The following MOCOS variants were observed in gnomAD, a reference collection of about 807,000 sequenced individuals.
The protein encoded by MOCOS is human molybdenum cofactor sulfurase.
A neutral mutation model predicts 83.6 loss-of-function variants in MOCOS; 86 were observed. That is an observed-to-expected ratio of 1.03 (90% CI 0.86 to 1.23). MOCOS has a LOEUF of 1.23. Among genes scored for constraint, MOCOS ranks in the 50% most tolerant of loss-of-function variants. The probability of loss-of-function intolerance (pLI) is 0.00; values close to 1 mark genes in which losing one functional copy is unlikely to be tolerated. For missense variants in MOCOS, 1,120 were observed against 1,126.9 expected, an observed-to-expected ratio of 0.99 and a Z score of 0.09; for synonymous variants, 445 against 434.7, an observed-to-expected ratio of 1.02 and a Z score of -0.29.
At chr18:36,199,188 A>G (rs1024143290) in intron 3 of MOCOS, among the ~76,000 whole-genome samples, 19 of 152,088 alleles carry the variant, frequency 1.2e-4, no homozygotes, top group Non-Finnish European at 1.3e-4. Context: ...TGTATGTTAA[A>G]CAGCTCTCTA....
intron 9 of MOCOS, among the ~76,000 whole-genome samples, chr18:36,248,029 G>A (rs115124166): frequency 0.017 from 2,584 of 152,200 alleles, 63 homozygotes; most frequent in African/African-American, 0.058. Flanking sequence ...AACCTCAGTA[G>A]TGTTTTCCAT....
rs369806137 is a variant in MOCOS at position 36,215,653 on chromosome 18, C to A, written c.1473C>A (p.His491Gln). The change falls in exon 8 of 15, where the codon CAC becomes CAA. Residue 491 changes from histidine (H) to glutamine (Q), a missense_variant. Transcript: ENST00000261326. ...GGTTCATCATAGACACTCGCCTGCA[C>A]TCATCAGGGGACTGGCCTGTCCCTC... is the stretch of plus-strand genomic sequence containing the variant. ...FLRFIIDTRLHSSGDWPVPQA... is the reference protein window; with the variant it reads ...FLRFIIDTRLQSSGDWPVPQA... 1.4e-5 allele frequency: 23 copies of A among 1,614,072 alleles called. No homozygotes were observed. The highest frequency in any genetic ancestry group is 1.8e-5 in the Non-Finnish European group (21 of 1,180,042).
intron 1 of MOCOS, among the ~76,000 whole-genome samples, chr18:36,194,971 C>T (rs777296075): frequency 1.3e-5 from 2 of 152,166 alleles, no homozygotes; most frequent in Non-Finnish European, 2.9e-5. Flanking sequence ...TCATTCATCA[C>T]GAATGTCTGC....
chr18:36,246,079 C>T (rs1401387584), intron 9 of MOCOS, among the ~76,000 whole-genome samples: 2 of 151,950 alleles, frequency 1.3e-5, no homozygotes, highest in African/African-American at 4.8e-5. Context: ...TCTCTGGTGC[C>T]TCCTTAAGTA....
In MOCOS at chr18:36,200,111, T is replaced by C. The variant is rs534091378; in HGVS notation, c.728T>C (p.Val243Ala). Residue 243 changes from valine to alanine, a missense_variant, in exon 4 of 15, where the codon GTG (valine) becomes GCG (alanine). Val to Ala is a moderately conservative substitution (Grantham distance 64). Transcript: ENST00000261326. The stretch of plus-strand genomic sequence containing the variant: ...GTGCTGCTGGATGCAGCCTCCTACG[T>C]GAGCACCTCGCCTTTGGACCTGTCA... Reference protein sequence around the residue: ...WFVLLDAASYVSTSPLDLSAH... With the variant: ...WFVLLDAASYASTSPLDLSAH... The C allele has an allele frequency of 6.2e-7, 1 of 1,614,248 alleles. No individual in the cohort carries two copies. The highest frequency in any genetic ancestry group is 8.5e-7 in the Non-Finnish European group (1 of 1,180,040).
intron 1 of MOCOS, chr18:36,189,804 A>G (rs1598866985): frequency 6.6e-6 from 1 of 152,272 alleles, no homozygotes; most frequent in South Asian, 2.1e-4. Flanking sequence ...CTTTGGGGTA[A>G]TTCACCTGTT....
Position 36,187,589 on chromosome 18 carries a change from G to T in MOCOS, c.50G>T (p.Gly17Val), listed in dbSNP as rs774256529. ...GGGCGGGAGCTGTGGACCTTCGCGG[G>T]TTCCCGGGACCCGAGCGCACCGCGG... is the stretch of plus-strand genomic sequence containing the variant. ...ESGRELWTFA[G>V]SRDPSAPRLA... Residue 17 changes from glycine to valine, a missense_variant, in exon 1 of 15, where the codon GGT becomes GTT. Physicochemically the swap from Gly to Val is moderately radical, Grantham distance 109. Coordinates refer to ENST00000261326, the MANE Select transcript of MOCOS (RefSeq NM_017947.4). 8.0e-6 allele frequency: 10 copies of T among 1,248,290 alleles called. No homozygotes were observed. The highest frequency in any genetic ancestry group is 1.0e-5 in the Non-Finnish European group (10 of 996,086). 77.3% of individuals were successfully genotyped at this position (1,248,290 alleles called of 1,614,324 possible). A position where few individuals can be genotyped will look rare whatever the true frequency, so the allele number is the denominator to read the frequency against.
intron 9 of MOCOS, among the ~76,000 whole-genome samples, chr18:36,238,488 G>A (rs1359228434): frequency 6.7e-6 from 1 of 148,562 alleles, no homozygotes; most frequent in Non-Finnish European, 1.5e-5. Flanking sequence ...ATTGCACTGT[G>A]GTCTGAGAGA....
rs1568049160 is a variant in MOCOS, at chr18:36,198,863, C to G, written c.299+107C>G. Reference sequence around the variant, plus strand: ...AGTTCTGAGTTGGTTTCAGGAGGATCACAGTTGGCTAAAAGGCAATGCATG... The same window carrying G: ...AGTTCTGAGTTGGTTTCAGGAGGATGACAGTTGGCTAAAAGGCAATGCATG... On this transcript the variant is annotated intron_variant, in intron 3 of 14. Transcript: ENST00000261326. 3.3e-6 allele frequency: 4 copies of G among 1,204,478 alleles called. No individual in the cohort carries two copies. In the South Asian group the frequency reaches 3.7e-5, roughly 11 times the overall value. 74.6% of individuals were successfully genotyped at this position (1,204,478 alleles called of 1,614,324 possible).
At chr18:36,265,628 T>C (rs2091679254) in intron 13 of MOCOS, among the ~76,000 whole-genome samples, 2 of 152,136 alleles carry the variant, frequency 1.3e-5, no homozygotes, top group South Asian at 4.1e-4. Context: ...TTTTTGATGT[T>C]TATATTATGG....
At chr18:36,241,216 A>G (rs2144128036) in intron 9 of MOCOS, among the ~76,000 whole-genome samples, 1 of 152,320 alleles carries the variant, frequency 6.6e-6, no homozygotes, top group East Asian at 1.9e-4. Flanking sequence ...CCACAGTCCA[A>G]AGTCTCATCT....
At chr18:36,237,379 A>G (rs970490578) in intron 9 of MOCOS, among the ~76,000 whole-genome samples, 10 of 152,222 alleles carry the variant, frequency 6.6e-5, no homozygotes, top group African/African-American at 2.4e-4. Context: ...TTCTGCATCT[A>G]TTGAGATAAT....
At chr18:36,249,649 C>A (rs1312855123) in intron 10 of MOCOS, among the ~76,000 whole-genome samples, 1 of 151,998 alleles carries the variant, frequency 6.6e-6, no homozygotes, top group Non-Finnish European at 1.5e-5. Context: ...GGAAGGGGTG[C>A]AAGCAGGAAG....
chr18:36,212,282 C>T (rs1305784819), intron 6 of MOCOS, among the ~76,000 whole-genome samples: 2 of 152,178 alleles, frequency 1.3e-5, no homozygotes, highest in Non-Finnish European at 2.9e-5. Context: ...TTTATTCTCC[C>T]TAGTTTGGGT....
intron 8 of MOCOS, among the ~76,000 whole-genome samples, chr18:36,219,363 C>T (rs1234144736): frequency 6.6e-6 from 1 of 151,934 alleles, no homozygotes; most frequent in African/African-American, 2.4e-5. Flanking sequence ...CCTGGACAGA[C>T]ACCACTGCTA....
chr18:36,196,759 G>A (rs1039353708), intron 2 of MOCOS, among the ~76,000 whole-genome samples: 5 of 151,858 alleles, frequency 3.3e-5, no homozygotes, highest in African/African-American at 7.3e-5. Flanking sequence ...ATGATGCAGC[G>A]CTAAAGCCAA....
At chr18:36,259,287 A>G (rs1351778858) in intron 12 of MOCOS, among the ~76,000 whole-genome samples, 1 of 151,944 alleles carries the variant, frequency 6.6e-6, no homozygotes, top group East Asian at 1.9e-4. Flanking sequence ...TAAAAAAAGT[A>G]AAAATAAGTT....
intron 5 of MOCOS, 74 bp from the exon 6 acceptor site, chr18:36,204,996 CAAAAAAA>C (rs10685658): frequency 5.9e-5 from 25 of 425,546 alleles, no homozygotes; most frequent in Middle Eastern, 7.7e-4. Flanking sequence ...GACCGTGTCT[CAAAAAAA>C]AAAAAAAAAA....
At position 36,193,317 on chromosome 18, in the gene MOCOS, C is replaced by CAAAAAAAAAAA. The variant is rs555145311; in HGVS notation, c.143-1912_143-1902dup. ...TGGGCGACAGAGCGAGACTCCGTCT[C>CAAAAAAAAAAA]AAAAAAAAAAAAAAAAAAAAAAAAA... On this transcript the variant is annotated intron_variant, in intron 1 of 14. Transcript: ENST00000261326. Among the ~76,000 whole-genome samples the CAAAAAAAAAAA allele has an allele frequency of 3.4e-4, 13 of 38,310 alleles. 2 individuals carry two copies. The highest frequency in any genetic ancestry group is 4.0e-4 in the Non-Finnish European group (9 of 22,626). The allele number at this position is 38,310 out of a possible 152,430, so 25.1% of individuals were successfully genotyped here. A position where few individuals can be genotyped will look rare whatever the true frequency, so the allele number is the denominator to read the frequency against.
Sources: gnomAD v4.1 joint callset for allele counts (sites outside exome capture counted in the v4.1 genomes callset) on GRCh38, gnomAD v4.1.1 for gene constraint, MANE v1.5 for transcripts, NCBI Gene and HGNC (gene_info 2026-07-23, HGNC 2026-07-21) for gene names.